Variants in STAG1 observed in about 807,000 individuals in gnomAD.
The protein encoded by STAG1 is cohesin subunit SA-1.
In STAG1, 26 loss-of-function variants were observed where a neutral mutation model predicts 170.9. The ratio of observed to expected loss-of-function variants is 0.15; its 90% CI spans 0.11 to 0.21. The LOEUF is 0.21. Ranked by LOEUF, STAG1 falls within the 10% of genes least tolerant of loss-of-function variation. The pLI, the probability that STAG1 is intolerant of heterozygous loss-of-function variation, is 1.00. For synonymous variants in STAG1, 514 were observed against 497.7 expected (o/e 1.03, Z -0.44); for missense variants, 964 against 1,509.5 (o/e 0.64, Z 5.99).
At chr3:136,394,677 T>C (rs2087100920) in intron 22 of STAG1, among the ~76,000 whole-genome samples, 2 of 151,280 alleles carry the variant, frequency 1.3e-5, no homozygotes, top group African/African-American at 4.9e-5. Flanking sequence ...ATCCCAGCAA[T>C]TTGGGAGGCG....
intron 5 of STAG1, among the ~76,000 whole-genome samples, chr3:136,554,412 T>C (rs1232157960): frequency 6.6e-6 from 1 of 152,104 alleles, no homozygotes; most frequent in African/African-American, 2.4e-5. Flanking sequence ...ACAATGGACA[T>C]ACTACACCTA....
intron 5 of STAG1, among the ~76,000 whole-genome samples, chr3:136,545,180 C>A (rs1234982092): frequency 6.6e-6 from 1 of 152,114 alleles, no homozygotes; most frequent in Non-Finnish European, 1.5e-5. Flanking sequence ...TCCTGAGTAG[C>A]TGGGATTACA....
At chr3:136,526,459 T>C (rs1310175052) in intron 6 of STAG1, among the ~76,000 whole-genome samples, 1 of 152,220 alleles carries the variant, frequency 6.6e-6, no homozygotes, top group Non-Finnish European at 1.5e-5. Flanking sequence ...TAGATCTTCC[T>C]CCATCCCTTT....
intron 24 of STAG1, among the ~76,000 whole-genome samples, chr3:136,367,956 G>A (rs1313752326): frequency 6.6e-6 from 1 of 152,100 alleles, no homozygotes; most frequent in African/African-American, 2.4e-5. Context: ...ACCCTCCCGT[G>A]TCCTGGCCTG....
chr3:136,619,424 G>C (rs1053428288), intron 3 of STAG1, among the ~76,000 whole-genome samples: 1 of 151,504 alleles, frequency 6.6e-6, no homozygotes, highest in Non-Finnish European at 1.5e-5. Context: ...GGGGAAAACA[G>C]TTAAGTCATA....
At chr3:136,457,274 G>C (rs1053000906) in intron 13 of STAG1, among the ~76,000 whole-genome samples, 6 of 152,102 alleles carry the variant, frequency 3.9e-5, no homozygotes, top group African/African-American at 7.2e-5. Flanking sequence ...GTGGCCTCTG[G>C]AATGTGCGCA....
chr3:136,601,807 G>C (rs1938689627), intron 4 of STAG1, among the ~76,000 whole-genome samples: 1 of 151,936 alleles, frequency 6.6e-6, no homozygotes, highest in African/African-American at 2.4e-5. Context: ...CTGTACTTCA[G>C]CCTGGCTAAT....
At chr3:136,751,184 TG>T (rs761044781) in intron 1 of STAG1, among the ~76,000 whole-genome samples, 4 of 146,558 alleles carry the variant, frequency 2.7e-5, no homozygotes, top group Admixed American at 6.6e-5. Flanking sequence ...TTTTTTTTTT[TG>T]TTTTTTTTTT....
intron 22 of STAG1, among the ~76,000 whole-genome samples, chr3:136,383,913 C>G (rs547659481): frequency 6.7e-6 from 1 of 149,584 alleles, no homozygotes; most frequent in African/African-American, 2.5e-5. Context: ...CGAGATCGCA[C>G]CACTGCACTC....
chr3:136,364,668 A>T (rs539165763), intron 25 of STAG1, among the ~76,000 whole-genome samples: 1 of 152,356 alleles, frequency 6.6e-6, no homozygotes, highest in South Asian at 2.1e-4. Flanking sequence ...AGTGACTGGG[A>T]AAAGTTATAA....
chr3:136,451,137 G>A (rs532734534), intron 14 of STAG1, among the ~76,000 whole-genome samples: 15 of 151,288 alleles, frequency 9.9e-5, no homozygotes, highest in South Asian at 2.1e-4. Flanking sequence ...CCAATGACAC[G>A]GCAGTAGTAG....
intron 5 of STAG1, among the ~76,000 whole-genome samples, chr3:136,543,659 G>C (rs1936012273): frequency 1.3e-5 from 2 of 152,258 alleles, no homozygotes; most frequent in East Asian, 3.9e-4. Context: ...AAGTCACTTA[G>C]TCTCTATGAA....
chr3:136,449,136 G>A (rs1480142181), intron 14 of STAG1, among the ~76,000 whole-genome samples: 1 of 148,972 alleles, frequency 6.7e-6, no homozygotes, highest in Non-Finnish European at 1.5e-5. Flanking sequence ...AAAGATAAGA[G>A]GAGAGATTTT....
intron 4 of STAG1, among the ~76,000 whole-genome samples, chr3:136,592,001 G>A (rs112182995): frequency 1.2e-3 from 176 of 152,248 alleles, no homozygotes; most frequent in African/African-American, 2.4e-3. Context: ...TGGGACATGA[G>A]GCCAGAAAGA....
chr3:136,632,635 A>T (rs1309409273), intron 1 of STAG1, among the ~76,000 whole-genome samples: 1 of 152,110 alleles, frequency 6.6e-6, no homozygotes, highest in African/African-American at 2.4e-5. Context: ...TAAAGAGTCT[A>T]AGGAGGAAAA....
At chr3:136,354,370 G>A (rs1199305299) in intron 28 of STAG1, among the ~76,000 whole-genome samples, 2 of 152,090 alleles carry the variant, frequency 1.3e-5, no homozygotes, top group Non-Finnish European at 2.9e-5. Context: ...TTGGCTTACT[G>A]CGACCTCTGC....
At chr3:136,458,496 C>G (rs971858455) in intron 13 of STAG1, among the ~76,000 whole-genome samples, 1 of 151,994 alleles carries the variant, frequency 6.6e-6, no homozygotes, top group Non-Finnish European at 1.5e-5. Context: ...TTTTTACAAG[C>G]CTCAGTGTAA....
chr3:136,621,525 C>T (rs1343673938), intron 3 of STAG1, among the ~76,000 whole-genome samples: 1 of 152,112 alleles, frequency 6.6e-6, no homozygotes, highest in Non-Finnish European at 1.5e-5. Flanking sequence ...TCCCAAAATA[C>T]GTTTGTAAAG....
chr3:136,615,316 T>C (rs1267642270), intron 3 of STAG1, among the ~76,000 whole-genome samples: 1 of 149,440 alleles, frequency 6.7e-6, no homozygotes, highest in Non-Finnish European at 1.5e-5. Context: ...ATATTAGGTG[T>C]AATATTAGGT....
Sources: gnomAD v4.1 joint callset for allele counts (sites outside exome capture counted in the v4.1 genomes callset) on GRCh38, gnomAD v4.1.1 for gene constraint, MANE v1.5 for transcripts, NCBI Gene and HGNC (gene_info 2026-07-23, HGNC 2026-07-21) for gene names.